Variants in ANO3 observed in about 807,000 individuals in gnomAD.
ANO3 encodes the protein anoctamin-3.
ANO3 carries 99 observed loss-of-function variants against 144.8 expected under a neutral mutation model. The ratio of observed to expected loss-of-function variants is 0.68; its 90% CI spans 0.58 to 0.81. The LOEUF is 0.81. Ranked by LOEUF, ANO3 falls within the 30% of genes least tolerant of loss-of-function variation. The pLI is 0.00. For synonymous variants in ANO3, 414 were observed against 392.6 expected (o/e 1.05, Z -0.64); for missense variants, 905 against 1,202.2 (o/e 0.75, Z 3.66).
chr11:26,447,271 A>AT (rs1262283995), intron 3 of ANO3, among the ~76,000 whole-genome samples: 1 of 151,174 alleles, frequency 6.6e-6, no homozygotes, highest in Non-Finnish European at 1.5e-5. Flanking sequence ...GGCACGATGG[A>AT]TAAACAATAA....
intron 1 of ANO3, among the ~76,000 whole-genome samples, chr11:26,248,543 A>G (rs1852851519): frequency 6.6e-6 from 1 of 152,178 alleles, no homozygotes; most frequent in African/African-American, 2.4e-5. Flanking sequence ...AATGGTATTC[A>G]TTACAACAAA....
At chr11:26,528,216 C>A (rs1030302525) in intron 7 of ANO3, among the ~76,000 whole-genome samples, 1 of 152,044 alleles carries the variant, frequency 6.6e-6, no homozygotes, top group Non-Finnish European at 1.5e-5. Flanking sequence ...ATGTTCTGTG[C>A]CCCGTGGTGT....
intron 1 of ANO3, among the ~76,000 whole-genome samples, chr11:26,416,501 A>G (rs1857590344): frequency 6.6e-6 from 1 of 151,356 alleles, no homozygotes; most frequent in Non-Finnish European, 1.5e-5. Flanking sequence ...ATCTTGGCTC[A>G]CTGCAACCTC....
intron 14 of ANO3, among the ~76,000 whole-genome samples, chr11:26,583,471 G>A (rs750612494): frequency 7.2e-5 from 11 of 152,306 alleles, no homozygotes; most frequent in South Asian, 2.1e-4. Context: ...CAGATATTGC[G>A]CTGTGTCAAA....
rs1851735358 is a variant in ANO3 at position 26,599,630 on chromosome 11, G to T, written c.1752G>T (p.Trp584Cys). The T allele has an allele frequency of 6.2e-7, 1 of 1,614,076 alleles. No homozygotes were observed. The highest frequency in any genetic ancestry group is 2.2e-5 in the East Asian group (1 of 44,872). ...TGGAACAGTTTGCATCATTCAAGTGGAATTTCATCAAACAATACTGGCAGT... is the reference window on the plus strand; with the variant it reads ...TGGAACAGTTTGCATCATTCAAGTGTAATTTCATCAAACAATACTGGCAGT... The part of the protein sequence containing the change: ...VVMEQFASFK[W>C]NFIKQYWQFA... The change falls in exon 17 of 27, where the codon TGG becomes TGT. Residue 584 changes from tryptophan (W) to cysteine (C), a missense_variant. Physicochemically the swap from Trp to Cys is radical, Grantham distance 215 (BLOSUM62 -2). Transcript: ENST00000256737.
At chr11:26,401,663 G>A (rs1452996064) in intron 1 of ANO3, among the ~76,000 whole-genome samples, 1 of 151,876 alleles carries the variant, frequency 6.6e-6, no homozygotes, top group South Asian at 2.1e-4. Context: ...AATCACTTGA[G>A]GTCAGGAGTT....
At position 26,598,760 on chromosome 11, in the gene ANO3, A is replaced by C. The variant is rs866610649; in HGVS notation, c.1531-98A>C. The C allele has an allele frequency of 1.2e-5, 16 of 1,289,618 alleles. No individual in the cohort carries two copies. In the African/African-American group the frequency reaches 2.0e-4, roughly 16 times the overall value. 79.9% of individuals were successfully genotyped at this position (1,289,618 alleles called of 1,614,324 possible). ...TTGCTTTATTGTGAAGACTTAATAC[A>C]AAAGTAGGCCAAATTTAGGAGTATC... On this transcript the variant is annotated intron_variant, in intron 15 of 26. Transcript: ENST00000256737.
At chr11:26,600,906 G>A (rs781409443) in intron 17 of ANO3, among the ~76,000 whole-genome samples, 15 of 151,964 alleles carry the variant, frequency 9.9e-5, no homozygotes, top group Non-Finnish European at 1.6e-4. Context: ...AACATCGCAT[G>A]CACTTAATGA....
chr11:26,336,028 T>C (rs1165820477), intron 1 of ANO3, among the ~76,000 whole-genome samples: 1 of 152,004 alleles, frequency 6.6e-6, no homozygotes, highest in Non-Finnish European at 1.5e-5. Flanking sequence ...GTCCCAAGGG[T>C]AAATTGGAGT....
At position 26,219,211 on chromosome 11, in the gene ANO3, T is replaced by C. The variant is rs568923326; in HGVS notation, c.154+29881T>C. Among the ~76,000 whole-genome samples, 23 of 152,286 alleles carry C rather than the reference T, an allele frequency of 1.5e-4. No homozygotes were observed. The South Asian group carries it at 2.7e-3, about 18-fold the overall frequency. ...TTGTAGTGGACAAAATTGCCCTGGG[T>C]TGAGAACTGCTGTGCTAGATATTTT... On this transcript the variant is annotated intron_variant, in intron 1 of 27. Coordinates refer to the ANO3 transcript ENST00000672621.
intron 4 of ANO3, among the ~76,000 whole-genome samples, chr11:26,489,890 G>A (rs772024101): frequency 1.3e-5 from 2 of 152,196 alleles, no homozygotes; most frequent in African/African-American, 4.8e-5. Flanking sequence ...AGGCTGATAG[G>A]CAGAAAGGAC....
intron 1 of ANO3, among the ~76,000 whole-genome samples, chr11:26,413,783 T>A (rs1157731406): frequency 6.6e-6 from 1 of 152,118 alleles, no homozygotes; most frequent in African/African-American, 2.4e-5. Flanking sequence ...AGAGAATTCA[T>A]GCACAATGGC....
In ANO3 at chr11:26,586,540, A is replaced by G. The variant is rs1213912836; in HGVS notation, c.1448-11825A>G. 2.5e-4 allele frequency among the ~76,000 whole-genome samples: 17 copies of G among 68,558 alleles called. No individual in the cohort carries two copies. The East Asian group carries it at 5.0e-3, about 20-fold the overall frequency. The allele number at this position is 68,558 out of a possible 152,430, so 45.0% of individuals were successfully genotyped here. A position where few individuals can be genotyped will look rare whatever the true frequency, so the allele number is the denominator to read the frequency against. Reference sequence around the variant, plus strand: ...TTTTTTTGAGACATAGTCTCATTCTATCGCCAGGCTGGAGTGCAGTGGCGC... The same window carrying G: ...TTTTTTTGAGACATAGTCTCATTCTGTCGCCAGGCTGGAGTGCAGTGGCGC... On this transcript the variant is annotated intron_variant, in intron 14 of 26. Transcript: ENST00000256737.
At chr11:26,615,730 A>G (rs1257509230) in intron 17 of ANO3, among the ~76,000 whole-genome samples, 1 of 152,104 alleles carries the variant, frequency 6.6e-6, no homozygotes, top group Admixed American at 6.6e-5. Context: ...TTCTTGCAAA[A>G]TACCAACTTT....
chr11:26,583,859 AT>A (rs1851201682), intron 14 of ANO3, among the ~76,000 whole-genome samples: 1 of 152,126 alleles, frequency 6.6e-6, no homozygotes, highest in African/African-American at 2.4e-5. Context: ...CTGATAAACT[AT>A]TGTTTCAACT....
chr11:26,432,569 G>A (rs147132615), intron 1 of ANO3, among the ~76,000 whole-genome samples: 2 of 151,958 alleles, frequency 1.3e-5, no homozygotes, highest in Non-Finnish European at 2.9e-5. Context: ...ATCTTGAGTT[G>A]ATTTTTGTTT....
chr11:26,608,848 C>G (rs1852009803), intron 17 of ANO3, among the ~76,000 whole-genome samples: 1 of 152,168 alleles, frequency 6.6e-6, no homozygotes, highest in South Asian at 2.1e-4. Flanking sequence ...CTGCCATCTT[C>G]CCCTGCCCAG....
At chr11:26,473,007 G>T (rs1859837374) in intron 4 of ANO3, among the ~76,000 whole-genome samples, 1 of 151,930 alleles carries the variant, frequency 6.6e-6, no homozygotes, top group African/African-American at 2.4e-5. Context: ...CCAGATGAGG[G>T]TTTCAGTCAC....
rs553370585 is a variant in ANO3, at chr11:26,628,539, C to T, written c.1873+4041C>T. Among the ~76,000 whole-genome samples the T allele has an allele frequency of 6.6e-5, 10 of 152,262 alleles. 1 individual carries two copies. In the South Asian group the frequency reaches 2.1e-3, roughly 32 times the overall value. ...AGTTAAAAACCAATTCAAAATGATCCACAATGTGCTATATTTGTGAATGGC... is the reference window on the plus strand; with the variant it reads ...AGTTAAAAACCAATTCAAAATGATCTACAATGTGCTATATTTGTGAATGGC... On this transcript the variant is annotated intron_variant, in intron 18 of 26. Transcript: ENST00000256737.
Sources: allele counts gnomAD v4.1 joint callset (sites outside exome capture counted in the v4.1 genomes callset), GRCh38; gene constraint gnomAD v4.1.1; transcripts MANE v1.5; gene names NCBI Gene and HGNC (gene_info 2026-07-23, HGNC 2026-07-21).